The following P2RX5 variants were observed in gnomAD, a reference collection of about 807,000 sequenced individuals.
P2RX5 encodes purinergic receptor P2X 5.
Under a neutral mutation model 54.1 loss-of-function variants are expected in P2RX5, and 46 were observed. That is an observed-to-expected ratio of 0.85 (90% CI 0.67 to 1.09). The LOEUF is 1.09. P2RX5 is among the 50% of genes least tolerant of loss of function. P2RX5 has a pLI of 0.00. For missense variants in P2RX5, 566 were observed against 549.8 expected, an observed-to-expected ratio of 1.03 and a Z score of -0.29; for synonymous variants, 226 against 226.4, an observed-to-expected ratio of 1.00 and a Z score of 0.02.
the P2RX5 span, among the ~76,000 whole-genome samples, chr17:3,711,370 CTTTTTTTTTTTTTTT>C: frequency 9.5e-5 from 6 of 63,110 alleles, no homozygotes; most frequent in African/African-American, 2.4e-4. Flanking sequence ...AGCACTCATT[CTTTTTTTTTTTTTTT>C]TTTTTTTTTT....
chr17:3,701,701 A>AGAT, the P2RX5 span, among the ~76,000 whole-genome samples: 2 of 62,094 alleles, frequency 3.2e-5, no homozygotes, highest in Admixed American at 2.6e-4. Context: ...TCTCAGAAAA[A>AGAT]AAAAAAAAAA....
At position 3,673,918 on chromosome 17, in the gene P2RX5, A is replaced by G. The variant is rs752936533; in HGVS notation, c.1260-41T>C. ...AGAAAGGAGCTCTTGAGAGGCTGGC[A>G]CTCTCATCTTCCCAGTGAGGCAACC... On this transcript the variant is annotated intron_variant, in intron 11 of 11. Coordinates refer to ENST00000225328, the MANE Select transcript of P2RX5 (RefSeq NM_002561.4). 5 of 1,563,262 alleles carry G rather than the reference A, an allele frequency of 3.2e-6. No individual in the cohort carries two copies. The African/African-American group carries it at 6.8e-5, about 21-fold the overall frequency.
Position 3,689,411 on chromosome 17 carries a change from C to T in P2RX5, c.753+81G>A, listed in dbSNP as rs192370794. 4.8e-4 allele frequency: 745 copies of T among 1,545,544 alleles called. 2 individuals are homozygous for T. In the African/African-American group the frequency reaches 6.5e-3, roughly 14 times the overall value. On this transcript the variant is annotated intron_variant, in intron 7 of 11. Coordinates refer to ENST00000225328, the MANE Select transcript of P2RX5 (RefSeq NM_002561.4). ...GGGCCACCCTCGCCCCACGAGTCCC[C>T]GTCCACACCCTCCTCGTCACAGAGC...
the P2RX5 span, among the ~76,000 whole-genome samples, chr17:3,710,455 A>T: frequency 1.3e-5 from 2 of 152,008 alleles, no homozygotes; most frequent in South Asian, 4.1e-4. Context: ...ATAAATTAAT[A>T]AAATGAAAGT....
Position 3,690,450 on chromosome 17 carries a change from C to T in P2RX5, c.510G>A (p.Pro170=), listed in dbSNP as rs764597134. 12 of 1,612,056 alleles carry T rather than the reference C, an allele frequency of 7.4e-6. No individual in the cohort carries two copies. Among genetic ancestry groups the T allele is most frequent in the South Asian group, 2.2e-5 (2 of 90,926 alleles). ...ACTCCGGCCTGGAGCTTGTCTCCAA[C>T]GGGCACCAGGCAAAGATCTCACAGG... ...RGTCEIFAWC[P]LETSSRPEEP... The change falls in exon 5 of 12, where the codon CCG becomes CCA. Residue 170 remains proline, a synonymous_variant. Coordinates refer to ENST00000225328, the MANE Select transcript of P2RX5 (RefSeq NM_002561.4).
chr17:3,713,211 A>G, the P2RX5 span, among the ~76,000 whole-genome samples: 3 of 152,122 alleles, frequency 2.0e-5, no homozygotes, highest in African/African-American at 4.8e-5. Context: ...AAATTAAAAA[A>G]TGAGCCGGGC....
chr17:3,723,629 C>G, the P2RX5 span: 2 of 1,482,230 alleles, frequency 1.3e-6, no homozygotes, highest in African/African-American at 1.4e-5. Flanking sequence ...CTCCTGGCCT[C>G]TCGTTACCCG....
chr17:3,699,917 G>GGAAGGAAAGAAA (rs1555571319), upstream of P2RX5, among the ~76,000 whole-genome samples: 103 of 75,424 alleles, frequency 1.4e-3, 2 homozygotes, highest in African/African-American at 3.6e-3. Flanking sequence ...AAGGAAGGAA[G>GGAAGGAAAGAAA]GAAAGAAAGA....
At chr17:3,698,624 T>C (rs1207256723), upstream of P2RX5, among the ~76,000 whole-genome samples, 2 of 152,180 alleles carry the variant, frequency 1.3e-5, no homozygotes, top group East Asian at 3.9e-4. Flanking sequence ...GCCCTCCATG[T>C]CCTGTCTTAA....
the P2RX5 span, chr17:3,717,284 A>G: frequency 6.5e-6 from 1 of 154,446 alleles, no homozygotes; most frequent in African/African-American, 2.4e-5. Flanking sequence ...TTGGTAATAC[A>G]CTTTCCCCAC....
chr17:3,701,407 C>G, the P2RX5 span, among the ~76,000 whole-genome samples: 1 of 152,140 alleles, frequency 6.6e-6, no homozygotes, highest in Non-Finnish European at 1.5e-5. Flanking sequence ...AAATGAACTT[C>G]TAAGTCCGGG....
At chr17:3,713,003 A>C in the P2RX5 span, among the ~76,000 whole-genome samples, 1 of 149,306 alleles carries the variant, frequency 6.7e-6, no homozygotes, top group Admixed American at 6.7e-5. Flanking sequence ...CAAAACCACC[A>C]ACTGTTCTAA....
rs780739223 is a variant in P2RX5, at chr17:3,689,547, C to T, written c.698G>A (p.Arg233Gln). 12 of 1,614,188 alleles carry T rather than the reference C, an allele frequency of 7.4e-6. No individual in the cohort carries two copies. Among genetic ancestry groups the T allele is most frequent in the Middle Eastern group, 1.6e-4 (1 of 6,062 alleles). ...GPKNHYCPIF[R>Q]LGSVIRWAGS... ...GGCCCAGCGGATCACGGAGCCCAGT[C>T]GGAAGATGGGGCAGTAGTGGTTCTT... is the stretch of plus-strand genomic sequence containing the variant. Residue 233 changes from arginine to glutamine, a missense_variant, in exon 7 of 12, where the codon CGA becomes CAA. Arg to Gln is a conservative substitution (Grantham distance 43). Transcript: ENST00000225328.
chr17:3,702,071 T>C, the P2RX5 span, among the ~76,000 whole-genome samples: 2 of 152,280 alleles, frequency 1.3e-5, no homozygotes, highest in Non-Finnish European at 2.9e-5. Flanking sequence ...CCAGCTGGAC[T>C]TCCTGGGTCG....
chr17:3,693,127 CAAAAAA>C (rs34356240), intron 1 of P2RX5, among the ~76,000 whole-genome samples: 2 of 101,682 alleles, frequency 2.0e-5, no homozygotes, highest in Non-Finnish European at 3.8e-5. Flanking sequence ...AGACATTTCT[CAAAAAA>C]AAAAAAAAAA....
intron 9 of P2RX5, among the ~76,000 whole-genome samples, chr17:3,685,104 C>A (rs1029529609): frequency 6.6e-5 from 10 of 152,026 alleles, no homozygotes; most frequent in Admixed American, 4.6e-4. Context: ...CTCACCCTCC[C>A]AAAGCACTGG....
At chr17:3,694,014 C>T (rs75738018) in intron 1 of P2RX5, among the ~76,000 whole-genome samples, 7,792 of 151,932 alleles carry the variant, frequency 0.051, 272 homozygotes, top group Middle Eastern at 0.11. Context: ...ATCCAGCCAC[C>T]GCGGTCTCCT....
chr17:3,707,051 T>C, the P2RX5 span, among the ~76,000 whole-genome samples: 4 of 152,340 alleles, frequency 2.6e-5, no homozygotes, highest in South Asian at 4.1e-4. Context: ...AATAAAGATA[T>C]ACAAACATCT....
At chr17:3,723,326 T>G in the P2RX5 span, 1 of 1,613,860 alleles carries the variant, frequency 6.2e-7, no homozygotes, top group Non-Finnish European at 8.5e-7. Context: ...GCAGCCACGG[T>G]GACATTTTCT....
Sources: gnomAD v4.1 joint callset for allele counts (sites outside exome capture counted in the v4.1 genomes callset) on GRCh38, gnomAD v4.1.1 for gene constraint, MANE v1.5 for transcripts, NCBI Gene and HGNC (gene_info 2026-07-23, HGNC 2026-07-21) for gene names.